The following PVT1 variants were observed in gnomAD, a reference collection of about 807,000 sequenced individuals.
The protein encoded by PVT1 is Pvt1 oncogene, also known as CXCR4/PVT1 fusion.
intron 4 of PVT1, among the ~76,000 whole-genome samples, chr8:128,048,261 T>C (rs1167640992): frequency 1.3e-5 from 2 of 152,182 alleles, no homozygotes; most frequent in Non-Finnish European, 2.9e-5. Flanking sequence ...CTAATATTTG[T>C]GAATGAATGA....
chr8:127,988,518 C>G (rs1377319304), intron 3 of PVT1, among the ~76,000 whole-genome samples: 2 of 152,196 alleles, frequency 1.3e-5, no homozygotes, highest in African/African-American at 4.8e-5. Context: ...TCCACACTGT[C>G]CCACCCCTTT....
At chr8:128,006,286 T>C (rs769065361) in intron 4 of PVT1, among the ~76,000 whole-genome samples, 1 of 152,090 alleles carries the variant, frequency 6.6e-6, no homozygotes, top group Non-Finnish European at 1.5e-5. Context: ...TCAACAGCAT[T>C]AGTAATGTAT....
intron 2 of PVT1, among the ~76,000 whole-genome samples, chr8:127,831,568 A>C (rs141222588): frequency 1.9e-3 from 289 of 152,274 alleles, no homozygotes; most frequent in African/African-American, 6.9e-3. Context: ...AGTGGAGTAT[A>C]GATAGAAAAG....
At chr8:127,932,420 G>T in intron 3 of PVT1, 1 of 398,648 alleles carries the variant, frequency 2.5e-6, no homozygotes, top group South Asian at 1.3e-4. Flanking sequence ...GGGAGGACAT[G>T]CGAGAACTAT....
intron 2 of PVT1, among the ~76,000 whole-genome samples, chr8:127,829,373 A>G (rs1425796179): frequency 2.0e-5 from 3 of 152,150 alleles, no homozygotes; most frequent in Non-Finnish European, 4.4e-5. Context: ...CATGACAGCT[A>G]TGGTTTTAAG....
chr8:127,991,140 CTTTTTTTTT>C (rs35494368), intron 4 of PVT1, among the ~76,000 whole-genome samples: 6 of 73,100 alleles, frequency 8.2e-5, no homozygotes, highest in African/African-American at 1.5e-4. Context: ...TCTTTTCTTT[CTTTTTTTTT>C]TTTTTTTTTT....
intron 3 of PVT1, among the ~76,000 whole-genome samples, chr8:127,919,903 C>A (rs1021195816): frequency 7.2e-5 from 11 of 152,146 alleles, no homozygotes; most frequent in Admixed American, 5.2e-4. Context: ...CCCTTCGCAG[C>A]GGTAGGCAGG....
At chr8:127,826,246 A>T (rs1586395747) in intron 2 of PVT1, among the ~76,000 whole-genome samples, 1 of 151,438 alleles carries the variant, frequency 6.6e-6, no homozygotes, top group Non-Finnish European at 1.5e-5. Flanking sequence ...GTAAAATGGG[A>T]ATAATAATAA....
At chr8:127,832,287 A>G (rs1814858974) in intron 2 of PVT1, among the ~76,000 whole-genome samples, 1 of 152,126 alleles carries the variant, frequency 6.6e-6, no homozygotes, top group African/African-American at 2.4e-5. Context: ...TGCTTGCCAC[A>G]CTTGTTACTT....
intron 3 of PVT1, among the ~76,000 whole-genome samples, chr8:127,922,354 A>G (rs1260240063): frequency 2.0e-5 from 3 of 147,366 alleles, no homozygotes; most frequent in African/African-American, 7.6e-5. Context: ...AGAGCTAGGA[A>G]TCCGAAGTAG....
rs535997288 is a variant in PVT1 at position 127,917,002 on chromosome 8, C to G, written n.782+26004C>G. On this transcript the variant is annotated intron_variant and non_coding_transcript_variant, in intron 3 of 10. Coordinates refer to ENST00000651587, the Ensembl canonical transcript of PVT1. ...TTAGGATGGATTATCTCACCTTGCACAAGACAGTGAGTGCTAGAGTTTAAG... is the reference window on the plus strand; with the variant it reads ...TTAGGATGGATTATCTCACCTTGCAGAAGACAGTGAGTGCTAGAGTTTAAG... Among the ~76,000 whole-genome samples the G allele has an allele frequency of 2.0e-5, 3 of 152,282 alleles. No individual in the cohort carries two copies. The South Asian group carries it at 6.2e-4, about 32-fold the overall frequency.
intron 5 of PVT1, among the ~76,000 whole-genome samples, chr8:128,083,328 G>C (rs768622361): frequency 6.6e-6 from 1 of 152,334 alleles, no homozygotes; most frequent in South Asian, 2.1e-4. Flanking sequence ...TAAAAGAAAA[G>C]TAGTCACTAT....
At chr8:127,801,204 C>T (rs1814461856) in intron 2 of PVT1, among the ~76,000 whole-genome samples, 1 of 152,164 alleles carries the variant, frequency 6.6e-6, no homozygotes, top group African/African-American at 2.4e-5. Flanking sequence ...CTGTCTTTTA[C>T]TCTGTAAAAT....
intron 3 of PVT1, among the ~76,000 whole-genome samples, chr8:127,893,583 A>T (rs1815638363): frequency 6.6e-6 from 1 of 152,174 alleles, no homozygotes; most frequent in Admixed American, 6.5e-5. Flanking sequence ...ACCCAGAGGG[A>T]AATCAAGTGT....
rs532336078 is a variant in PVT1 at position 127,903,399 on chromosome 8, A to G, written n.782+12401A>G. On this transcript the variant is annotated intron_variant and non_coding_transcript_variant, in intron 3 of 10. Coordinates refer to ENST00000651587, the Ensembl canonical transcript of PVT1. ...TGTAGCTTGTCTGTGTACTCCCTTG[A>G]TAGTTTCTTTTGCTCTGCAGAAACT... Among the ~76,000 whole-genome samples the G allele has an allele frequency of 9.2e-5, 14 of 152,254 alleles. 1 individual carries two copies. The highest frequency in any genetic ancestry group is 3.4e-3 in the Middle Eastern group (1 of 294).
At chr8:127,852,038 G>T (rs1265765417) in intron 2 of PVT1, 3 of 152,222 alleles carry the variant, frequency 2.0e-5, no homozygotes, top group Non-Finnish European at 4.4e-5. Flanking sequence ...AAACTGGCCT[G>T]TTGGCTGACC....
chr8:127,826,215 A>T (rs55993661), intron 2 of PVT1, among the ~76,000 whole-genome samples: 102,663 of 151,620 alleles, frequency 0.68, 36,104 homozygotes, highest in African/African-American at 0.87. Context: ...GCTTGGCCTC[A>T]GGATCTTGGT....
At chr8:127,936,034 C>CTTT (rs937905808) in intron 3 of PVT1, among the ~76,000 whole-genome samples, 19 of 101,246 alleles carry the variant, frequency 1.9e-4, no homozygotes, top group African/African-American at 6.3e-4. Flanking sequence ...CTCTCTCTCT[C>CTTT]TTTTTTTTTT....
intron 2 of PVT1, among the ~76,000 whole-genome samples, chr8:127,800,429 C>T (rs923278182): frequency 1.3e-5 from 2 of 152,176 alleles, no homozygotes; most frequent in African/African-American, 4.8e-5. Flanking sequence ...CAGATGGAGG[C>T]AGTGCAGGCA....
Sources: gnomAD v4.1 joint callset for allele counts (sites outside exome capture counted in the v4.1 genomes callset) on GRCh38, gnomAD v4.1.1 for gene constraint, MANE v1.5 for transcripts, NCBI Gene and HGNC (gene_info 2026-07-23, HGNC 2026-07-21) for gene names.